VSIG8: variants seen among roughly 807,000 people sequenced by gnomAD.
The protein encoded by VSIG8 is V-set and immunoglobulin domain-containing protein 8.
Under a neutral mutation model 42.6 loss-of-function variants are expected in VSIG8, and 32 were observed. The ratio of observed to expected loss-of-function variants is 0.75; its 90% CI spans 0.57 to 1.01. The LOEUF is 1.01. Among genes scored for constraint, VSIG8 ranks in the 50% least tolerant of loss-of-function variants. The probability of loss-of-function intolerance (pLI) is 0.00; values close to 1 mark genes in which losing one functional copy is unlikely to be tolerated. For synonymous variants in VSIG8, 290 were observed against 243.8 expected (o/e 1.19, Z -1.77); for missense variants, 529 against 558.0 (o/e 0.95, Z 0.52).
intron 4 of VSIG8, 138 bp from the exon 5 acceptor site, chr1:159,856,781 A>ACG (rs1242781049): frequency 9.3e-7 from 1 of 1,072,364 alleles, no homozygotes; most frequent in Non-Finnish European, 1.3e-6. Flanking sequence ...CCACACACAC[A>ACG]CACACACACT....
In VSIG8 at chr1:159,858,185, T is replaced by C. The variant is rs1571168108; in HGVS notation, c.335A>G (p.Asn112Ser). 2 of 1,614,210 alleles carry C rather than the reference T, an allele frequency of 1.2e-6. No homozygotes were observed. The highest frequency in any genetic ancestry group is 1.7e-6 in the Non-Finnish European group (2 of 1,180,032). The change falls in exon 3 of 7, where the codon AAC becomes AGC. Residue 112 changes from asparagine (N) to serine (S), a missense_variant. Physicochemically the swap from Asn to Ser is conservative, Grantham distance 46. Coordinates refer to ENST00000368100, the MANE Select transcript of VSIG8 (RefSeq NM_001013661.1). ...SDPSQYDASI[N>S]LMNLQVSDTA... Reference sequence around the variant, plus strand: ...ATCAGATACCTGCAGGTTCATGAGGTTGATGGAGGCATCGTACTGGCTTGG... The same window carrying C: ...ATCAGATACCTGCAGGTTCATGAGGCTGATGGAGGCATCGTACTGGCTTGG...
At chr1:159,856,722 C>T in intron 4 of VSIG8, 79 bp from the exon 5 acceptor site, 3 of 1,569,216 alleles carry the variant, frequency 1.9e-6, no homozygotes, top group South Asian at 1.2e-5. Context: ...GGGGATGGGA[C>T]ACCCACTCTA....
At chr1:159,861,268 G>A (rs1281344226) in intron 1 of VSIG8, 2 of 152,024 alleles carry the variant, frequency 1.3e-5, no homozygotes, top group South Asian at 2.1e-4. Flanking sequence ...CATGCTTTAC[G>A]GGGTGTCATC....
At position 159,856,124 on chromosome 1, in the gene VSIG8, G is replaced by A. The variant is rs758877575; in HGVS notation, c.773-43C>T. 7 of 1,579,908 alleles carry A rather than the reference G, an allele frequency of 4.4e-6. No individual in the cohort carries two copies. In the Admixed American group the frequency reaches 1.1e-4, roughly 24 times the overall value. On this transcript the variant is annotated intron_variant, in intron 5 of 6. Coordinates refer to ENST00000368100, the MANE Select transcript of VSIG8 (RefSeq NM_001013661.1). The stretch of plus-strand genomic sequence containing the variant: ...GGCAGGTCAGGCTTTCTCACAGCCT[G>A]GCAGGTGCCTGAGGGAACAGCACCA...
Position 159,862,592 on chromosome 1 carries a change from G to A in VSIG8, c.-71C>T. ...GGGTCGTAGTGGTGGGTGTGAGGGG[G>A]TAGGTGGAGGGAGGGGGAGCTGAGG... On this transcript the variant is annotated 5_prime_UTR_variant, in exon 1 of 7. Transcript: ENST00000368100. 2 of 1,269,738 alleles carry A rather than the reference G, an allele frequency of 1.6e-6. No homozygotes were observed. Among genetic ancestry groups the A allele is most frequent in the Non-Finnish European group, 1.1e-6 (1 of 893,554 alleles). The allele number at this position is 1,269,738 out of a possible 1,614,324, so 78.7% of individuals were successfully genotyped here.
chr1:159,854,915 C>T lies in VSIG8; in HGVS notation c.1083G>A (p.Ala361=). 6.7e-7 allele frequency: 1 copy of T among 1,497,358 alleles called. No individual in the cohort carries two copies. Among genetic ancestry groups the T allele is most frequent in the South Asian group, 1.3e-5 (1 of 79,036 alleles). The allele number at this position is 1,497,358 out of a possible 1,614,324, so 92.8% of individuals were successfully genotyped here. A position where few individuals can be genotyped will look rare whatever the true frequency, so the allele number is the denominator to read the frequency against. Residue 361 remains alanine (A), a synonymous_variant, in exon 7 of 7, where the codon GCG becomes GCA. Coordinates refer to ENST00000368100, the MANE Select transcript of VSIG8 (RefSeq NM_001013661.1). Reference sequence around the variant, plus strand: ...CCTCGGGGCCGCCGCAGGGGGGAGGCGCGTACTTGCGGCGCAGGGAGCGGC... The same window carrying T: ...CCTCGGGGCCGCCGCAGGGGGGAGGTGCGTACTTGCGGCGCAGGGAGCGGC... The part of the protein sequence containing the change: ...NVSRSLRRKY[A]PPPCGGPEDV...
chr1:159,856,161 G>C (rs1648817051), intron 5 of VSIG8, 80 bp from the exon 6 acceptor site: 2 of 1,425,238 alleles, frequency 1.4e-6, no homozygotes, highest in African/African-American at 2.8e-5. Context: ...GAGGTGCCAG[G>C]TCAGGGGTTA....
chr1:159,854,847 G>A lies in VSIG8; in HGVS notation c.1151C>T (p.Ala384Val). 1.3e-6 allele frequency: 2 copies of A among 1,483,122 alleles called. No individual in the cohort carries two copies. Among genetic ancestry groups the A allele is most frequent in the Non-Finnish European group, 1.8e-6 (2 of 1,125,990 alleles). The allele number at this position is 1,483,122 out of a possible 1,614,324, so 91.9% of individuals were successfully genotyped here. A position where few individuals can be genotyped will look rare whatever the true frequency, so the allele number is the denominator to read the frequency against. ...CTTGACGTAGACCGGGGAGGGGCCCGCTTCGCAGGCGGCGGCGGCGGTGCA... is the reference window on the plus strand; with the variant it reads ...CTTGACGTAGACCGGGGAGGGGCCCACTTCGCAGGCGGCGGCGGCGGTGCA... ...APCTAAAACE[A>V]GPSPVYVKVK... The change falls in exon 7 of 7, where the codon GCG (alanine) becomes GTG (valine). Residue 384 changes from alanine (A) to valine (V), a missense_variant. Physicochemically the swap from Ala to Val is moderately conservative, Grantham distance 64. Transcript: ENST00000368100.
chr1:159,858,962 C>T (rs1223096399), intron 1 of VSIG8, 50 bp from the exon 2 acceptor site: 6 of 1,568,130 alleles, frequency 3.8e-6, no homozygotes, highest in Admixed American at 1.7e-5. Context: ...AGCAGGGCTT[C>T]AGGAGGAGTC....
chr1:159,862,264 A>G, intron 1 of VSIG8: 2 of 520,394 alleles, frequency 3.8e-6, no homozygotes, highest in Non-Finnish European at 6.8e-6. Flanking sequence ...AGACCTCTGC[A>G]CTACAGACAC....
Position 159,855,933 on chromosome 1 carries a change from G to A in VSIG8, c.921C>T (p.Asn307=), listed in dbSNP as rs1473071120. 3.2e-6 allele frequency: 5 copies of A among 1,570,122 alleles called. No homozygotes were observed. Among genetic ancestry groups the A allele is most frequent in the Non-Finnish European group, 4.3e-6 (5 of 1,158,524 alleles). Residue 307 remains asparagine (N), a synonymous_variant, in exon 6 of 7, where the codon AAC becomes AAT. Transcript: ENST00000368100. The stretch of plus-strand genomic sequence containing the variant: ...AGGCCCCTCCGCCGACCCCGCCGCC[G>A]TTGCCGTAGCCGAAGGCACCGCGGG... ...GGARGAFGYG[N]GGGVGGGACG... is the part of the protein sequence containing the mutation.
In VSIG8 at chr1:159,854,559, C is replaced by T; in HGVS notation, c.*194G>A. 3.5e-6 allele frequency: 4 copies of T among 1,131,258 alleles called. No homozygotes were observed. Among genetic ancestry groups the T allele is most frequent in the Non-Finnish European group, 4.6e-6 (4 of 866,386 alleles). The allele number at this position is 1,131,258 out of a possible 1,614,324, so 70.1% of individuals were successfully genotyped here. A position where few individuals can be genotyped will look rare whatever the true frequency, so the allele number is the denominator to read the frequency against. On this transcript the variant is annotated 3_prime_UTR_variant, in exon 7 of 7. Transcript: ENST00000368100. ...GCTCAGGATCGCCTTCCTCCGCCCT[C>T]GCCCGCCCCTTCCCACTTTTGGGGA...
Position 159,857,791 on chromosome 1 carries a change from G to A in VSIG8, c.606C>T (p.His202=), listed in dbSNP as rs1325824773. 3.7e-6 allele frequency: 6 copies of A among 1,614,102 alleles called. No individual in the cohort carries two copies. The highest frequency in any genetic ancestry group is 4.2e-6 in the Non-Finnish European group (5 of 1,180,048). Residue 202 remains histidine (H), a synonymous_variant, in exon 4 of 7, where the codon CAC becomes CAT. Transcript: ENST00000368100. ...AGSYTSQHSY[H]SELSYQESFH... ...AGGACTCCTGGTAGGACAGCTCTGAGTGGTAGCTGTGCTGGGAGGTGTAAG... is the reference window on the plus strand; with the variant it reads ...AGGACTCCTGGTAGGACAGCTCTGAATGGTAGCTGTGCTGGGAGGTGTAAG...
At position 159,854,677 on chromosome 1, in the gene VSIG8, G is replaced by T. The variant is rs2101825500; in HGVS notation, c.*76C>A. The T allele has an allele frequency of 4.4e-6, 6 of 1,374,470 alleles. No individual in the cohort carries two copies. Among genetic ancestry groups the T allele is most frequent in the Non-Finnish European group, 5.6e-6 (6 of 1,071,448 alleles). 85.1% of individuals were successfully genotyped at this position (1,374,470 alleles called of 1,614,324 possible). A position where few individuals can be genotyped will look rare whatever the true frequency, so the allele number is the denominator to read the frequency against. On this transcript the variant is annotated 3_prime_UTR_variant, in exon 7 of 7. Coordinates refer to ENST00000368100, the MANE Select transcript of VSIG8 (RefSeq NM_001013661.1). ...GGCGAGCGAGGTCGTCCCCAGCCCC[G>T]ACGTGTCCCCAGCTGCAGACAGAGA...
At chr1:159,859,266 C>T (rs534129284) in intron 1 of VSIG8, among the ~76,000 whole-genome samples, 10 of 152,146 alleles carry the variant, frequency 6.6e-5, no homozygotes, top group African/African-American at 1.4e-4. Context: ...GACCACGTAG[C>T]GTGTCTGCTT....
In VSIG8 at chr1:159,858,586, A is replaced by C. The variant is rs908315890; in HGVS notation, c.228+148T>G. 6.7e-6 allele frequency: 6 copies of C among 889,788 alleles called. No homozygotes were observed. In the African/African-American group the frequency reaches 8.4e-5, roughly 13 times the overall value. 55.1% of individuals were successfully genotyped at this position (889,788 alleles called of 1,614,324 possible). A position where few individuals can be genotyped will look rare whatever the true frequency, so the allele number is the denominator to read the frequency against. On this transcript the variant is annotated intron_variant, in intron 2 of 6. Transcript: ENST00000368100. ...AGACTGACTGGCTAGCTTAATTCACAATTGCAGAGCTCTCATCCCCATTGC... is the reference window on the plus strand; with the variant it reads ...AGACTGACTGGCTAGCTTAATTCACCATTGCAGAGCTCTCATCCCCATTGC...
intron 1 of VSIG8, chr1:159,861,026 C>T (rs1168569203): frequency 4.6e-5 from 7 of 152,288 alleles, no homozygotes; most frequent in African/African-American, 9.6e-5. Context: ...CGCACCCCTC[C>T]CTCTCCTTGG....
intron 5 of VSIG8, 84 bp from the exon 6 acceptor site, chr1:159,856,165 G>T: frequency 7.2e-7 from 1 of 1,385,186 alleles, no homozygotes. Flanking sequence ...TGCCAGGTCA[G>T]GGGTTAATGG....
chr1:159,861,047 C>T (rs1377937056), intron 1 of VSIG8: 1 of 152,230 alleles, frequency 6.6e-6, no homozygotes, highest in Non-Finnish European at 1.5e-5. Flanking sequence ...GAAGTTGCTC[C>T]TAATGTCTCA....
Sources: gnomAD v4.1 joint callset for allele counts (sites outside exome capture counted in the v4.1 genomes callset) on GRCh38, gnomAD v4.1.1 for gene constraint, MANE v1.5 for transcripts, NCBI Gene and HGNC (gene_info 2026-07-23, HGNC 2026-07-21) for gene names.